Variants in PALLD observed in about 807,000 individuals in gnomAD.
PALLD encodes the protein palladin, cytoskeletal associated protein, also known as palladin.
Under a neutral mutation model 123.5 loss-of-function variants are expected in PALLD, and 61 were observed. The ratio of observed to expected loss-of-function variants is 0.49; its 90% CI spans 0.40 to 0.61. PALLD has a LOEUF of 0.61. Among genes scored for constraint, PALLD ranks in the 20% least tolerant of loss-of-function variants. The pLI is 0.00. For missense variants in PALLD, 1,273 were observed against 1,377.0 expected (o/e 0.92, Z 1.20); for synonymous variants, 465 against 496.4 (o/e 0.94, Z 0.84).
intron 10 of PALLD, among the ~76,000 whole-genome samples, chr4:168,785,470 A>G (rs1187783195): frequency 6.6e-6 from 1 of 152,124 alleles, no homozygotes; most frequent in Non-Finnish European, 1.5e-5. Flanking sequence ...GAACTCAAAG[A>G]CTTTCAGAGT....
intron 10 of PALLD, among the ~76,000 whole-genome samples, chr4:168,881,753 A>G (rs560311643): frequency 2.6e-5 from 4 of 152,234 alleles, no homozygotes; most frequent in South Asian, 2.1e-4. Flanking sequence ...AATGTATTCT[A>G]TTCCCCTCAC....
intron 3 of PALLD, among the ~76,000 whole-genome samples, chr4:168,676,124 T>A (rs1363978479): frequency 2.6e-5 from 4 of 152,238 alleles, no homozygotes; most frequent in African/African-American, 9.6e-5. Flanking sequence ...ATTTTTATCT[T>A]TCCAATTTTT....
chr4:168,682,712 G>A (rs918038859), intron 4 of PALLD, among the ~76,000 whole-genome samples: 10 of 151,984 alleles, frequency 6.6e-5, no homozygotes, highest in African/African-American at 1.2e-4. Context: ...CTTCAACAGC[G>A]TCTCAGTTAC....
At chr4:168,582,132 A>G (rs896210398) in intron 2 of PALLD, among the ~76,000 whole-genome samples, 4 of 152,026 alleles carry the variant, frequency 2.6e-5, no homozygotes, top group Non-Finnish European at 4.4e-5. Context: ...TTTTTATGCA[A>G]GTATCTTACT....
intron 10 of PALLD, among the ~76,000 whole-genome samples, chr4:168,757,497 A>G (rs753446085): frequency 8.5e-5 from 13 of 152,232 alleles, no homozygotes; most frequent in Non-Finnish European, 1.3e-4. Flanking sequence ...ATTTAAATCT[A>G]TTATGAGAAC....
intron 2 of PALLD, among the ~76,000 whole-genome samples, chr4:168,608,006 C>A (rs1773354354): frequency 6.6e-6 from 1 of 152,162 alleles, no homozygotes; most frequent in African/African-American, 2.4e-5. Flanking sequence ...CAGCTGCTCA[C>A]AAGTTTGCAT....
At chr4:168,719,407 G>A (rs753530282) in intron 10 of PALLD, among the ~76,000 whole-genome samples, 11 of 151,202 alleles carry the variant, frequency 7.3e-5, no homozygotes, top group South Asian at 2.1e-4. Flanking sequence ...ACAGGCACCC[G>A]CCACCTTGCC....
intron 2 of PALLD, among the ~76,000 whole-genome samples, chr4:168,630,077 C>T (rs1258400518): frequency 1.3e-5 from 2 of 152,210 alleles, no homozygotes; most frequent in African/African-American, 4.8e-5. Context: ...CTTCCTCTTT[C>T]GCCCAGGCAT....
chr4:168,893,841 T>C (rs192835767), intron 11 of PALLD, among the ~76,000 whole-genome samples: 5 of 152,354 alleles, frequency 3.3e-5, no homozygotes, highest in African/African-American at 1.2e-4. Context: ...ACCACTTTCT[T>C]TGCCTGATGG....
intron 2 of PALLD, among the ~76,000 whole-genome samples, chr4:168,618,169 G>T (rs998147453): frequency 6.6e-6 from 1 of 152,082 alleles, no homozygotes; most frequent in Admixed American, 6.5e-5. Context: ...CAACCAAGTC[G>T]CTTATACTCT....
At chr4:168,721,510 A>G (rs1786016470) in intron 10 of PALLD, among the ~76,000 whole-genome samples, 1 of 152,220 alleles carries the variant, frequency 6.6e-6, no homozygotes. Context: ...TTAGAAGAAA[A>G]TACACCAAAG....
intron 10 of PALLD, among the ~76,000 whole-genome samples, chr4:168,771,252 CAA>C (rs1238850542): frequency 1.3e-5 from 2 of 152,060 alleles, no homozygotes; most frequent in African/African-American, 2.4e-5. Context: ...ATAATAAAAA[CAA>C]AAGTGTGTGA....
intron 3 of PALLD, among the ~76,000 whole-genome samples, chr4:168,673,601 C>G (rs1025795759): frequency 6.6e-5 from 10 of 152,138 alleles, no homozygotes; most frequent in African/African-American, 2.4e-4. Context: ...CTAACTGACT[C>G]TCTGGTTGGT....
chr4:168,505,437 T>G (rs1276745511), intron 1 of PALLD, among the ~76,000 whole-genome samples: 1 of 152,248 alleles, frequency 6.6e-6, no homozygotes, highest in East Asian at 1.9e-4. Context: ...TAATGCTCCT[T>G]GTGAAGTTTT....
At chr4:168,771,453 G>C (rs1334588106) in intron 10 of PALLD, among the ~76,000 whole-genome samples, 1 of 152,156 alleles carries the variant, frequency 6.6e-6, no homozygotes, top group Non-Finnish European at 1.5e-5. Flanking sequence ...GCTCTGGTGT[G>C]GTCCTGCTTA....
At chr4:168,567,319 C>G (rs1768494798) in intron 2 of PALLD, among the ~76,000 whole-genome samples, 1 of 151,708 alleles carries the variant, frequency 6.6e-6, no homozygotes, top group Non-Finnish European at 1.5e-5. Context: ...ACTCAAACAA[C>G]TCAATAAGAA....
intron 2 of PALLD, among the ~76,000 whole-genome samples, chr4:168,602,634 T>G (rs1772782743): frequency 6.6e-6 from 1 of 152,238 alleles, no homozygotes; most frequent in South Asian, 2.1e-4. Context: ...AGACTCCATT[T>G]TAGCCATTTC....
Position 168,898,771 on chromosome 4 carries a change from C to A in PALLD, c.2472+57C>A, listed in dbSNP as rs944552206. On this transcript the variant is annotated intron_variant, in intron 14 of 21. Transcript: ENST00000505667. The stretch of plus-strand genomic sequence containing the variant: ...CATTCTCTGAGGAAAGGTTTAGCTT[C>A]CAAAACATAGCATGCCAGTAGGAGA... 4 of 1,097,714 alleles carry A rather than the reference C, an allele frequency of 3.6e-6. No individual in the cohort carries two copies. In the African/African-American group the frequency reaches 4.6e-5, roughly 13 times the overall value. 68.0% of individuals were successfully genotyped at this position (1,097,714 alleles called of 1,614,324 possible). A position where few individuals can be genotyped will look rare whatever the true frequency, so the allele number is the denominator to read the frequency against.
chr4:168,920,932 A>G (rs755735540), intron 17 of PALLD, among the ~76,000 whole-genome samples: 1 of 152,162 alleles, frequency 6.6e-6, no homozygotes, highest in Non-Finnish European at 1.5e-5. Flanking sequence ...TGCTGATATC[A>G]TCCCATTAAT....
Sources: allele counts gnomAD v4.1 joint callset (sites outside exome capture counted in the v4.1 genomes callset), GRCh38; gene constraint gnomAD v4.1.1; transcripts MANE v1.5; gene names NCBI Gene and HGNC (gene_info 2026-07-23, HGNC 2026-07-21).